The following ENTREP2 variants were observed in gnomAD, a reference collection of about 807,000 sequenced individuals.
The protein encoded by ENTREP2 is protein ENTREP2.
chr15:29,449,913 T>C, the ENTREP2 span, among the ~76,000 whole-genome samples: 1 of 152,192 alleles, frequency 6.6e-6, no homozygotes, highest in African/African-American at 2.4e-5. Flanking sequence ...CCGGTACCTG[T>C]TGTTTTTTGA....
At chr15:29,300,440 TG>T in the ENTREP2 span, among the ~76,000 whole-genome samples, 11 of 143,808 alleles carry the variant, frequency 7.6e-5, no homozygotes, top group Non-Finnish European at 1.0e-4. Context: ...GATGAGTGGA[TG>T]GGATGGATGG....
the ENTREP2 span, among the ~76,000 whole-genome samples, chr15:29,588,507 AGG>A: frequency 8.7e-6 from 1 of 115,460 alleles, no homozygotes; most frequent in Non-Finnish European, 1.6e-5. Flanking sequence ...AGAGAGAGAG[AGG>A]GAGGGAGGGA....
the ENTREP2 span, among the ~76,000 whole-genome samples, chr15:29,223,972 C>A: frequency 1.3e-5 from 2 of 152,212 alleles, no homozygotes; most frequent in African/African-American, 4.8e-5. Context: ...GATAGCTCCA[C>A]CTCTGTACTC....
chr15:29,588,374 A>G, the ENTREP2 span, among the ~76,000 whole-genome samples: 2 of 152,102 alleles, frequency 1.3e-5, no homozygotes, highest in African/African-American at 2.4e-5. Context: ...AGGCTGAGGC[A>G]GGAGAATCGC....
At chr15:29,533,635 T>A in the ENTREP2 span, among the ~76,000 whole-genome samples, 1 of 152,256 alleles carries the variant, frequency 6.6e-6, no homozygotes, top group East Asian at 1.9e-4. Context: ...TCCCTGCCCA[T>A]AAGGTCCATT....
chr15:29,383,572 G>C, the ENTREP2 span, among the ~76,000 whole-genome samples: 1 of 152,192 alleles, frequency 6.6e-6, no homozygotes, highest in African/African-American at 2.4e-5. Context: ...GGAAGGGCTT[G>C]GCTGCATGTC....
the ENTREP2 span, among the ~76,000 whole-genome samples, chr15:29,156,893 G>A: frequency 2.0e-5 from 3 of 152,016 alleles, no homozygotes; most frequent in Non-Finnish European, 2.9e-5. Context: ...TCAGGAGTTC[G>A]AGACCAGTCT....
the ENTREP2 span, among the ~76,000 whole-genome samples, chr15:29,425,199 G>GGGTTTTTTTTT: frequency 7.5e-6 from 1 of 133,126 alleles, no homozygotes; most frequent in African/African-American, 2.8e-5. Flanking sequence ...CAGGTTTTTT[G>GGGTTTTTTTTT]TTTTTTTTTT....
the ENTREP2 span, among the ~76,000 whole-genome samples, chr15:29,176,618 G>T: frequency 3.3e-5 from 5 of 152,194 alleles, no homozygotes; most frequent in Non-Finnish European, 7.3e-5. Context: ...AGGAGCCACG[G>T]GCCCCACTTC....
chr15:29,420,296 A>C, the ENTREP2 span, among the ~76,000 whole-genome samples: 2 of 152,218 alleles, frequency 1.3e-5, no homozygotes, highest in African/African-American at 2.4e-5. Flanking sequence ...AGTCCCTCAC[A>C]GTATGACATC....
the ENTREP2 span, among the ~76,000 whole-genome samples, chr15:29,645,054 A>G: frequency 6.6e-6 from 1 of 152,172 alleles, no homozygotes. Flanking sequence ...CCATCTCTGA[A>G]AAAAGAGAAA....
chr15:29,486,036 T>C, the ENTREP2 span, among the ~76,000 whole-genome samples: 1 of 152,206 alleles, frequency 6.6e-6, no homozygotes, highest in Admixed American at 6.5e-5. Flanking sequence ...AGGAAATCAG[T>C]ATGTTGAAGA....
the ENTREP2 span, among the ~76,000 whole-genome samples, chr15:29,619,814 G>A: frequency 0.021 from 3,166 of 151,990 alleles, 143 homozygotes; most frequent in African/African-American, 0.074. Flanking sequence ...TCCTGGCCAC[G>A]TGCCTGGAGG....
chr15:29,568,710 C>CAAAAAAAAAAAAAAA, the ENTREP2 span, among the ~76,000 whole-genome samples: 2 of 128,190 alleles, frequency 1.6e-5, no homozygotes, highest in Non-Finnish European at 1.6e-5. Context: ...CCTCTTAAGG[C>CAAAAAAAAAAAAAAA]AAAAAAAAAA....
chr15:29,248,052 A>T, the ENTREP2 span, among the ~76,000 whole-genome samples: 1 of 152,182 alleles, frequency 6.6e-6, no homozygotes, highest in Non-Finnish European at 1.5e-5. Flanking sequence ...CCTCACAATA[A>T]ATGGCCCGTG....
At chr15:29,674,407 C>T in the ENTREP2 span, among the ~76,000 whole-genome samples, 1 of 152,048 alleles carries the variant, frequency 6.6e-6, no homozygotes, top group Non-Finnish European at 1.5e-5. Context: ...GTAGCTGGGA[C>T]TACAGGTGCC....
At chr15:29,491,527 A>G in the ENTREP2 span, among the ~76,000 whole-genome samples, 1 of 152,082 alleles carries the variant, frequency 6.6e-6, no homozygotes. Context: ...GGTGAGCCCT[A>G]GGGTCCCTAG....
the ENTREP2 span, among the ~76,000 whole-genome samples, chr15:29,208,156 TC>T: frequency 1.9e-5 from 1 of 53,896 alleles, no homozygotes; most frequent in Non-Finnish European, 3.6e-5. Flanking sequence ...CACCCTCCCC[TC>T]CCCCCACCCT....
chr15:29,559,222 T>C, the ENTREP2 span, among the ~76,000 whole-genome samples: 3 of 152,100 alleles, frequency 2.0e-5, no homozygotes, highest in African/African-American at 7.2e-5. Flanking sequence ...CAGTTTCACA[T>C]ACAGATGACT....
Sources: gnomAD v4.1 joint callset for allele counts (sites outside exome capture counted in the v4.1 genomes callset) on GRCh38, gnomAD v4.1.1 for gene constraint, MANE v1.5 for transcripts, NCBI Gene and HGNC (gene_info 2026-07-23, HGNC 2026-07-21) for gene names.